ZRANB1: variants seen among roughly 807,000 people sequenced by gnomAD.
ZRANB1 encodes ubiquitin thioesterase ZRANB1.
Under a neutral mutation model 80.5 loss-of-function variants are expected in ZRANB1, and 16 were observed. That is an observed-to-expected ratio of 0.20 (90% confidence interval 0.13 to 0.30). The LOEUF (loss-of-function observed/expected upper bound fraction) is 0.30, where lower values mean the gene tolerates loss of function less well. ZRANB1 is among the 10% of genes least tolerant of loss of function. The pLI, the probability that ZRANB1 is intolerant of heterozygous loss-of-function variation, is 1.00. For missense variants in ZRANB1, 576 were observed against 862.6 expected, an observed-to-expected ratio of 0.67 and a Z score of 4.16; for synonymous variants, 291 against 293.1, an observed-to-expected ratio of 0.99 and a Z score of 0.07.
intron 1 of ZRANB1, among the ~76,000 whole-genome samples, chr10:124,955,569 G>C (rs1401186723): frequency 6.6e-6 from 1 of 152,188 alleles, no homozygotes; most frequent in East Asian, 1.9e-4. Context: ...TATGAAGACT[G>C]TGATCATTTC....
At chr10:124,972,446 A>T (rs1017462929) in intron 3 of ZRANB1, among the ~76,000 whole-genome samples, 6 of 152,176 alleles carry the variant, frequency 3.9e-5, no homozygotes, top group Middle Eastern at 3.4e-3. Context: ...TCCTTTGAAA[A>T]ATTTTCCCTT....
chr10:124,938,380 C>T (rs1401501017), upstream of ZRANB1, among the ~76,000 whole-genome samples: 2 of 151,438 alleles, frequency 1.3e-5, no homozygotes, highest in African/African-American at 4.9e-5. Flanking sequence ...ACTCTGAGTG[C>T]AATGGTGTGA....
the ZRANB1 span, among the ~76,000 whole-genome samples, chr10:124,931,089 T>G: frequency 6.6e-6 from 1 of 152,206 alleles, no homozygotes; most frequent in South Asian, 2.1e-4. Flanking sequence ...ATAAATGTAT[T>G]TTTTGGAGAC....
the ZRANB1 span, among the ~76,000 whole-genome samples, chr10:124,936,211 A>G: frequency 6.6e-6 from 1 of 152,084 alleles, no homozygotes. Context: ...GAGAGTTTAT[A>G]CTGTTGCAGA....
intron 1 of ZRANB1, among the ~76,000 whole-genome samples, chr10:124,957,249 G>T (rs1331814202): frequency 6.6e-6 from 1 of 151,512 alleles, no homozygotes; most frequent in East Asian, 1.9e-4. Context: ...TAGATTTGTG[G>T]ATTTCCTTAT....
chr10:124,971,985 G>T lies in ZRANB1; in HGVS notation c.1023G>T (p.Lys341Asn). The T allele has an allele frequency of 6.2e-7, 1 of 1,603,926 alleles. No individual in the cohort carries two copies. Among genetic ancestry groups the T allele is most frequent in the Non-Finnish European group, 8.5e-7 (1 of 1,175,648 alleles). ...TTAAGGTGTCTCAACAAGCAGCAAA[G>T]TGTATTCCAGCAATGGTGTGTCCTG... ...LLTEVSQQAAKCIPAMVCPEL... is the reference protein window; with the variant it reads ...LLTEVSQQAANCIPAMVCPEL... Residue 341 changes from lysine (K) to asparagine (N), a missense_variant, in exon 3 of 9, where the codon AAG (lysine) becomes AAT (asparagine). Physicochemically the swap from Lys to Asn is moderately conservative, Grantham distance 94 (BLOSUM62 0). Transcript: ENST00000359653.
chr10:124,917,678 G>C, the ZRANB1 span, among the ~76,000 whole-genome samples: 1 of 152,160 alleles, frequency 6.6e-6, no homozygotes, highest in Non-Finnish European at 1.5e-5. Flanking sequence ...AGTTGGTTCT[G>C]GTGTCTCCAA....
chr10:124,940,804 C>G (rs142935917), upstream of ZRANB1, among the ~76,000 whole-genome samples: 880 of 152,040 alleles, frequency 5.8e-3, 7 homozygotes, highest in African/African-American at 0.018. Context: ...TGCTGAAACC[C>G]TATCTCTACT....
the ZRANB1 span, among the ~76,000 whole-genome samples, chr10:124,922,319 A>AATATATATAT: frequency 1.7e-4 from 3 of 17,354 alleles, no homozygotes; most frequent in African/African-American, 2.3e-4. Flanking sequence ...ATATATGTAA[A>AATATATATAT]ATATATGTAT....
At chr10:124,923,243 A>G in the ZRANB1 span, among the ~76,000 whole-genome samples, 2 of 150,922 alleles carry the variant, frequency 1.3e-5, no homozygotes, top group Admixed American at 1.3e-4. Flanking sequence ...GCCGAGCTAC[A>G]CTCCAGCCTG....
intron 1 of ZRANB1, chr10:124,945,752 C>G (rs1292821578): frequency 6.6e-6 from 1 of 152,110 alleles, no homozygotes; most frequent in Non-Finnish European, 1.5e-5. Context: ...TTCTACATAT[C>G]CTTACTACTT....
In ZRANB1 at chr10:124,985,050, A is replaced by AGT; in HGVS notation, c.*62_*63dup. 7.4e-7 allele frequency: 1 copy of AGT among 1,350,456 alleles called. No individual in the cohort carries two copies. Among genetic ancestry groups the AGT allele is most frequent in the Admixed American group, 2.0e-5 (1 of 49,602 alleles). The allele number at this position is 1,350,456 out of a possible 1,614,324, so 83.7% of individuals were successfully genotyped here. On this transcript the variant is annotated 3_prime_UTR_variant, in exon 9 of 9. Transcript: ENST00000359653. ...TCAGATCTGTAATGACCCTAAAGTT[A>AGT]GTGTGGTGCTCCAAGCAGAGTCGAC...
At chr10:124,945,015 A>C (rs1951568355) in intron 1 of ZRANB1, among the ~76,000 whole-genome samples, 1 of 152,224 alleles carries the variant, frequency 6.6e-6, no homozygotes, top group African/African-American at 2.4e-5. Context: ...GGCAACATAC[A>C]GTATGATTGT....
chr10:124,984,572 TC>T (rs1951990824), intron 8 of ZRANB1: 5 of 541,104 alleles, frequency 9.2e-6, no homozygotes, highest in African/African-American at 3.8e-5. Context: ...CTGAGAAATT[TC>T]CCATTTATGT....
chr10:124,978,669 G>A (rs975586370), intron 5 of ZRANB1, among the ~76,000 whole-genome samples: 1 of 152,000 alleles, frequency 6.6e-6, no homozygotes, highest in Admixed American at 6.6e-5. Context: ...TCTGTTGCCT[G>A]GACTGGAGTG....
chr10:124,979,659 T>C (rs1322524112), intron 5 of ZRANB1, among the ~76,000 whole-genome samples: 1 of 152,246 alleles, frequency 6.6e-6, no homozygotes, highest in African/African-American at 2.4e-5. Context: ...AACTTTTACA[T>C]TTAGGTCATT....
chr10:124,977,081 A>C (rs1003013562), intron 5 of ZRANB1, among the ~76,000 whole-genome samples: 2 of 151,782 alleles, frequency 1.3e-5, no homozygotes, highest in Non-Finnish European at 2.9e-5. Context: ...TGATCCTCCC[A>C]CCTCAGCTTC....
the ZRANB1 span, among the ~76,000 whole-genome samples, chr10:124,922,260 A>AATATATATATATATATATGTAAAAT: frequency 1.1e-3 from 117 of 105,878 alleles, no homozygotes; most frequent in African/African-American, 4.2e-3. Context: ...ATATATGTAA[A>AATATATATATATATATATGTAAAAT]ATATATATAT....
intron 2 of ZRANB1, among the ~76,000 whole-genome samples, chr10:124,968,194 G>GC (rs1951792203): frequency 6.6e-6 from 1 of 152,214 alleles, no homozygotes; most frequent in Non-Finnish European, 1.5e-5. Flanking sequence ...ACCGTGTCTG[G>GC]CCAAGGTAAC....
Sources: gnomAD v4.1 joint callset for allele counts (sites outside exome capture counted in the v4.1 genomes callset) on GRCh38, gnomAD v4.1.1 for gene constraint, MANE v1.5 for transcripts, NCBI Gene and HGNC (gene_info 2026-07-23, HGNC 2026-07-21) for gene names.